Variants in ITGB8 observed in about 807,000 individuals in gnomAD.
ITGB8 encodes integrin beta-8.
ITGB8 carries 30 observed loss-of-function variants against 89.5 expected under a neutral mutation model. The observed-to-expected ratio is 0.34, with a 90% CI of 0.25 to 0.45. The LOEUF (loss-of-function observed/expected upper bound fraction) is 0.45. Ranked by LOEUF, ITGB8 falls within the 20% of genes least tolerant of loss-of-function variation. The probability of loss-of-function intolerance (pLI) is 1.00; values close to 1 mark genes in which losing one functional copy is unlikely to be tolerated. For synonymous variants in ITGB8, 335 were observed against 320.4 expected (o/e 1.05, Z -0.49); for missense variants, 836 against 933.3 (o/e 0.90, Z 1.36).
chr7:20,392,574 T>C (rs767446255), intron 7 of ITGB8, among the ~76,000 whole-genome samples: 2 of 152,188 alleles, frequency 1.3e-5, no homozygotes, highest in Non-Finnish European at 2.9e-5. Context: ...GTTTGTTACA[T>C]GTGTAGATTG....
chr7:20,363,468 G>A (rs1785578942), intron 1 of ITGB8, among the ~76,000 whole-genome samples, 169 bp from the exon 2 acceptor site: 1 of 152,074 alleles, frequency 6.6e-6, no homozygotes, highest in Non-Finnish European at 1.5e-5. Context: ...TGAGCCGGTC[G>A]ACTCTTTCCA....
intron 3 of ITGB8, among the ~76,000 whole-genome samples, chr7:20,374,953 G>A (rs1280218730): frequency 6.6e-6 from 1 of 152,102 alleles, no homozygotes; most frequent in Non-Finnish European, 1.5e-5. Flanking sequence ...CATATGAAGA[G>A]GTTATGGAAA....
chr7:20,391,825 T>A (rs181087437), intron 7 of ITGB8, among the ~76,000 whole-genome samples: 54 of 152,312 alleles, frequency 3.5e-4, no homozygotes, highest in African/African-American at 1.3e-3. Context: ...CAATCCGTCT[T>A]TGCATCTTGC....
chr7:20,349,032 T>C (rs1785022604), intron 1 of ITGB8, among the ~76,000 whole-genome samples: 1 of 152,224 alleles, frequency 6.6e-6, no homozygotes, highest in South Asian at 2.1e-4. Context: ...TCTACTGTGA[T>C]ATATTTTTTC....
chr7:20,389,025 A>G (rs1452605707), intron 6 of ITGB8, among the ~76,000 whole-genome samples: 1 of 151,994 alleles, frequency 6.6e-6, no homozygotes, highest in African/African-American at 2.4e-5. Context: ...CATTTTCTTT[A>G]TCCAGTCTAT....
intron 9 of ITGB8, among the ~76,000 whole-genome samples, chr7:20,399,463 C>T (rs938156513): frequency 4.0e-5 from 6 of 151,788 alleles, no homozygotes; most frequent in African/African-American, 1.5e-4. Context: ...CAAAATCTTT[C>T]ACTTTGTGAT....
intron 1 of ITGB8, among the ~76,000 whole-genome samples, chr7:20,350,330 T>C (rs1284917361): frequency 6.6e-6 from 1 of 152,216 alleles, no homozygotes; most frequent in Non-Finnish European, 1.5e-5. Context: ...GTATTTTTAG[T>C]AGAGACGGGG....
intron 6 of ITGB8, among the ~76,000 whole-genome samples, chr7:20,385,546 C>G (rs1345798521): frequency 6.6e-6 from 1 of 152,186 alleles, no homozygotes; most frequent in Non-Finnish European, 1.5e-5. Flanking sequence ...CGATCAGCAT[C>G]TTATAGCATG....
At chr7:20,350,951 A>G (rs1334688979) in intron 1 of ITGB8, among the ~76,000 whole-genome samples, 1 of 152,218 alleles carries the variant, frequency 6.6e-6, no homozygotes, top group Non-Finnish European at 1.5e-5. Flanking sequence ...TGAGGTTTTC[A>G]GGCTGGGGCT....
intron 10 of ITGB8, 101 bp from the exon 11 acceptor site, chr7:20,404,527 T>C (rs1223568742): frequency 4.4e-6 from 4 of 905,774 alleles, no homozygotes; most frequent in Non-Finnish European, 7.1e-6. Flanking sequence ...CATTGGACTG[T>C]CAGTGCGTTT....
Position 20,410,036 on chromosome 7 carries a change from TTAA to T in ITGB8, c.*44_*46del. The T allele has an allele frequency of 6.3e-7, 1 of 1,580,568 alleles. No homozygotes were observed. The highest frequency in any genetic ancestry group is 8.6e-7 in the Non-Finnish European group (1 of 1,161,060). The stretch of plus-strand genomic sequence containing the variant: ...AACACTTAATGGGAAACTGGAATTG[TTAA>T]TAATTGCTCCTAAAGATTATAATTT... On this transcript the variant is annotated 3_prime_UTR_variant, in exon 14 of 14. Coordinates refer to ENST00000222573, the MANE Select transcript of ITGB8 (RefSeq NM_002214.3).
At chr7:20,378,961 C>T in intron 3 of ITGB8, 90 bp from the exon 4 acceptor site, 1 of 885,500 alleles carries the variant, frequency 1.1e-6, no homozygotes, top group Non-Finnish European at 1.6e-6. Context: ...GATGATTGTG[C>T]TAGGTGCTAG....
chr7:20,383,520 A>C (rs1786486309), intron 6 of ITGB8, among the ~76,000 whole-genome samples: 1 of 152,182 alleles, frequency 6.6e-6, no homozygotes, highest in Admixed American at 6.5e-5. Flanking sequence ...TGAGACAAAG[A>C]GAAGGTTTTT....
chr7:20,349,430 C>T (rs897816479), intron 1 of ITGB8, among the ~76,000 whole-genome samples: 1 of 151,798 alleles, frequency 6.6e-6, no homozygotes, highest in African/African-American at 2.4e-5. Flanking sequence ...TACTAAGATA[C>T]TTAAACTTAC....
chr7:20,351,883 CT>C (rs35467832), intron 1 of ITGB8, among the ~76,000 whole-genome samples: 140,880 of 151,740 alleles, frequency 0.93, 65,512 homozygotes, highest in African/African-American at 0.98. Context: ...AATAACAGTG[CT>C]TTTTTTTTTA....
Position 20,402,046 on chromosome 7 carries a change from T to C in ITGB8, c.1607T>C (p.Ile536Thr), listed in dbSNP as rs1787335856. Residue 536 changes from isoleucine to threonine, a missense_variant, in exon 10 of 14, where the codon ATT becomes ACT. Ile to Thr is a moderately conservative substitution (Grantham distance 89). Coordinates refer to ENST00000222573, the MANE Select transcript of ITGB8 (RefSeq NM_002214.3). ...CVCGKCSCHK[I>T]KLGKVYGKYC... ...TGTGGGAAATGTTCATGTCACAAAA[T>C]TAAGCTTGGAAAAGTGTATGGAAAA... 3 of 1,614,060 alleles carry C rather than the reference T, an allele frequency of 1.9e-6. No individual in the cohort carries two copies. The highest frequency in any genetic ancestry group is 1.3e-5 in the African/African-American group (1 of 74,940).
At chr7:20,353,883 G>A (rs1357497775) in intron 1 of ITGB8, among the ~76,000 whole-genome samples, 1 of 122,112 alleles carries the variant, frequency 8.2e-6, no homozygotes, top group African/African-American at 3.4e-5. Flanking sequence ...AGTGAGCCGA[G>A]ATCGCGCCAC....
intron 1 of ITGB8, among the ~76,000 whole-genome samples, chr7:20,342,370 C>G (rs1784788888): frequency 6.6e-6 from 1 of 152,204 alleles, no homozygotes; most frequent in Non-Finnish European, 1.5e-5. Flanking sequence ...GCCTAAGTGG[C>G]ACTTTTACAC....
chr7:20,387,281 A>G (rs1029405761), intron 6 of ITGB8, among the ~76,000 whole-genome samples: 6 of 152,232 alleles, frequency 3.9e-5, no homozygotes, highest in Admixed American at 1.3e-4. Flanking sequence ...ACCCTTATAT[A>G]GCAGTGTCCA....
Sources: allele counts gnomAD v4.1 joint callset (sites outside exome capture counted in the v4.1 genomes callset), GRCh38; gene constraint gnomAD v4.1.1; transcripts MANE v1.5; gene names NCBI Gene and HGNC (gene_info 2026-07-23, HGNC 2026-07-21).